TMEM232: variants seen among roughly 807,000 people sequenced by gnomAD.
TMEM232 encodes transmembrane protein 232.
TMEM232 carries 80 observed loss-of-function variants against 78.8 expected under a neutral mutation model. That is an observed-to-expected ratio of 1.01 (90% CI 0.85 to 1.22). TMEM232 has a LOEUF of 1.22. Ranked by LOEUF, TMEM232 falls within the 50% of genes most tolerant of loss-of-function variation. The pLI is 0.00. For synonymous variants in TMEM232, 297 were observed against 254.3 expected, an observed-to-expected ratio of 1.17 and a Z score of -1.60; for missense variants, 881 against 742.2, an observed-to-expected ratio of 1.19 and a Z score of -2.17.
intron 1 of TMEM232, among the ~76,000 whole-genome samples, chr5:110,706,155 A>G (rs547946690): frequency 6.6e-6 from 1 of 152,284 alleles, no homozygotes; most frequent in South Asian, 2.1e-4. Flanking sequence ...CCCAGCAGCA[A>G]AAGATTGTCC....
exon 1 of TMEM232, chr5:110,738,031 A>T (rs1014677575): frequency 4.3e-6 from 1 of 230,060 alleles, no homozygotes; most frequent in African/African-American, 2.3e-5. Flanking sequence ...AAAACCACAG[A>T]AAAAAATGTC....
chr5:110,701,835 T>C (rs918491086), intron 1 of TMEM232, among the ~76,000 whole-genome samples: 1 of 152,048 alleles, frequency 6.6e-6, no homozygotes, highest in African/African-American at 2.4e-5. Context: ...TCTGCTATAT[T>C]GTAAAACCTA....
At chr5:110,556,365 CTT>C (rs1347288861) in intron 11 of TMEM232, among the ~76,000 whole-genome samples, 1 of 136,636 alleles carries the variant, frequency 7.3e-6, no homozygotes, top group African/African-American at 3.0e-5. Context: ...CTTCCCCTTC[CTT>C]CCTTCCTTCC....
intron 2 of TMEM232, among the ~76,000 whole-genome samples, chr5:110,645,916 C>T (rs908003886): frequency 4.0e-5 from 6 of 151,290 alleles, no homozygotes; most frequent in African/African-American, 1.5e-4. Context: ...TATATATAAA[C>T]AATGAACTAT....
rs200845147 is a variant in TMEM232 at position 110,708,561 on chromosome 5, TA to T, written c.-13+18065del. ...GAGACATAGACAGTATAGTAAGACATAAAGTTAAAAAACAGGTGGATGAAGT... is the reference window on the plus strand; with the variant it reads ...GAGACATAGACAGTATAGTAAGACATAAGTTAAAAAACAGGTGGATGAAGT... On this transcript the variant is annotated intron_variant, in intron 1 of 13. Transcript: ENST00000455884. 6.7e-5 allele frequency among the ~76,000 whole-genome samples: 10 copies of T among 148,636 alleles called. No individual in the cohort carries two copies. In the East Asian group the frequency reaches 1.8e-3, roughly 27 times the overall value.
chr5:110,528,948 T>C lies in TMEM232; in HGVS notation c.1456-113A>G, dbSNP rs897152083. On this transcript the variant is annotated intron_variant, in intron 11 of 13. Transcript: ENST00000455884. Reference sequence around the variant, plus strand: ...TTTATTTTCTTTGACTAATATTGCATTTTTCCTGTTAAGTAAAAATAATCT... The same window carrying C: ...TTTATTTTCTTTGACTAATATTGCACTTTTCCTGTTAAGTAAAAATAATCT... 1.5e-5 allele frequency: 15 copies of C among 998,584 alleles called. No individual in the cohort carries two copies. The African/African-American group carries it at 2.4e-4, about 16-fold the overall frequency. The allele number at this position is 998,584 out of a possible 1,614,324, so 61.9% of individuals were successfully genotyped here. A position where few individuals can be genotyped will look rare whatever the true frequency, so the allele number is the denominator to read the frequency against.
intron 10 of TMEM232, among the ~76,000 whole-genome samples, chr5:110,583,462 C>A (rs73224347): frequency 0.042 from 6,350 of 151,712 alleles, 435 homozygotes; most frequent in African/African-American, 0.15. Context: ...AAAATTAGAC[C>A]CTTATGCTAT....
chr5:110,711,815 T>C (rs1796511020), intron 1 of TMEM232, among the ~76,000 whole-genome samples: 1 of 152,040 alleles, frequency 6.6e-6, no homozygotes, highest in African/African-American at 2.4e-5. Flanking sequence ...CATTTAAGAA[T>C]CAAACTCTGG....
intron 2 of TMEM232, among the ~76,000 whole-genome samples, chr5:110,405,507 A>C (rs889499134): frequency 2.6e-4 from 40 of 151,998 alleles, no homozygotes; most frequent in Non-Finnish European, 8.8e-5. Flanking sequence ...AACTGTGAAA[A>C]ATATATTAAG....
intron 12 of TMEM232, among the ~76,000 whole-genome samples, chr5:110,489,097 A>C (rs927625013): frequency 6.6e-6 from 1 of 151,986 alleles, no homozygotes; most frequent in African/African-American, 2.4e-5. Flanking sequence ...TGCAGCATAG[A>C]ATGGCTTTAT....
chr5:110,596,283 C>T (rs1003702108), intron 10 of TMEM232, among the ~76,000 whole-genome samples: 18 of 152,080 alleles, frequency 1.2e-4, no homozygotes, highest in Non-Finnish European at 1.9e-4. Context: ...ATAAATTCCT[C>T]GACACATACA....
chr5:110,536,031 TCTTTA>T (rs1475769156), intron 11 of TMEM232, among the ~76,000 whole-genome samples: 1 of 152,224 alleles, frequency 6.6e-6, no homozygotes. Flanking sequence ...GTGGGTTAAG[TCTTTA>T]CTTGCATAGG....
At chr5:110,497,728 C>A (rs1427478259) in intron 12 of TMEM232, among the ~76,000 whole-genome samples, 8 of 152,066 alleles carry the variant, frequency 5.3e-5, no homozygotes, top group Non-Finnish European at 8.8e-5. Context: ...ACCTGGCCTG[C>A]TTTACACACT....
chr5:110,541,559 C>A (rs1393420864), intron 11 of TMEM232, among the ~76,000 whole-genome samples: 1 of 152,036 alleles, frequency 6.6e-6, no homozygotes, highest in African/African-American at 2.4e-5. Context: ...GTTGCTAAGG[C>A]TCTCAGAATC....
At chr5:110,457,423 G>A (rs1166335117) in intron 12 of TMEM232, among the ~76,000 whole-genome samples, 1 of 152,046 alleles carries the variant, frequency 6.6e-6, no homozygotes, top group Non-Finnish European at 1.5e-5. Context: ...GAAAGCAAAT[G>A]TTACAGCAAC....
intron 12 of TMEM232, among the ~76,000 whole-genome samples, chr5:110,446,849 C>T (rs893445927): frequency 7.9e-5 from 12 of 152,018 alleles, no homozygotes; most frequent in African/African-American, 2.9e-4. Flanking sequence ...CACTCTCATT[C>T]TCATTCATTT....
intron 11 of TMEM232, among the ~76,000 whole-genome samples, chr5:110,536,668 G>T (rs1772397391): frequency 6.6e-6 from 1 of 152,082 alleles, no homozygotes; most frequent in African/African-American, 2.4e-5. Flanking sequence ...ATGGGTCAAA[G>T]ACAAAAGGAA....
chr5:110,656,007 G>GT (rs1212740799), intron 2 of TMEM232, among the ~76,000 whole-genome samples: 2 of 151,446 alleles, frequency 1.3e-5, no homozygotes, highest in Non-Finnish European at 2.9e-5. Context: ...GTATACATAT[G>GT]AACTAACCTG....
At chr5:110,464,740 A>G (rs191303031) in intron 12 of TMEM232, among the ~76,000 whole-genome samples, 267 of 152,312 alleles carry the variant, frequency 1.8e-3, no homozygotes, top group Non-Finnish European at 3.0e-3. Flanking sequence ...CTAGGATAAT[A>G]CGAATCACCA....
Sources: allele counts gnomAD v4.1 joint callset (sites outside exome capture counted in the v4.1 genomes callset), GRCh38; gene constraint gnomAD v4.1.1; transcripts MANE v1.5; gene names NCBI Gene and HGNC (gene_info 2026-07-23, HGNC 2026-07-21).